The following GDPD2 variants were observed in gnomAD, a reference collection of about 807,000 sequenced individuals.
GDPD2 encodes the protein glycerophosphodiester phosphodiesterase domain containing 2.
GDPD2 carries 23 observed loss-of-function variants against 49.2 expected under a neutral mutation model. The ratio of observed to expected loss-of-function variants is 0.47; its 90% CI spans 0.34 to 0.66. GDPD2 has a LOEUF of 0.66. GDPD2 is among the 30% of genes least tolerant of loss of function. GDPD2 has a pLI of 0.01. For missense variants in GDPD2, 338 were observed against 424.7 expected (o/e 0.80, Z 1.79); for synonymous variants, 167 against 171.4 (o/e 0.97, Z 0.20).
At position 70,426,897 on chromosome X, in the gene GDPD2, T is replaced by C; in HGVS notation, c.588T>C (p.Phe196=). Residue 196 remains phenylalanine, a synonymous_variant, in exon 8 of 16, where the codon TTT becomes TTC. Transcript: ENST00000374382. The part of the protein sequence containing the change: ...GPKILLLLLF[F]GVVLVIYLAP... ...AGATTCTGCTACTGCTCCTATTTTT[T>C]GGAGTTGTCCTGGTCATCTACTTGG... 1 of 1,210,139 alleles carries C rather than the reference T, an allele frequency of 8.3e-7. No individual in the cohort carries two copies. The highest frequency in any genetic ancestry group is 1.1e-6 in the Non-Finnish European group (1 of 893,957).
In GDPD2 at chrX:70,432,910, A is replaced by G; in HGVS notation, c.1539-2A>G. ...CATAATGGGAAGCTTTTCTCCCCAC[A>G]GAAGATTTGTTAAGAAGAGAGGGAA... On this transcript the variant is annotated splice_acceptor_variant, in intron 14 of 15. Coordinates refer to ENST00000374382, the MANE Select transcript of GDPD2 (RefSeq NM_017711.4). LOFTEE classifies it high-confidence loss of function. 1 of 1,188,039 alleles carries G rather than the reference A, an allele frequency of 8.4e-7. No homozygotes were observed. Among genetic ancestry groups the G allele is most frequent in the Non-Finnish European group, 1.1e-6 (1 of 873,927 alleles).
Position 70,425,681 on chromosome X carries a change from T to A in GDPD2, c.210-82T>A, listed in dbSNP as rs897773797. ...TCTCCTCACTCCCTTCTAGTCTTCC[T>A]GGATCCACCCACCCCACCTCCCCTC... On this transcript the variant is annotated intron_variant, in intron 3 of 15. Coordinates refer to ENST00000374382, the MANE Select transcript of GDPD2 (RefSeq NM_017711.4). 8.2e-6 allele frequency: 5 copies of A among 612,446 alleles called. No homozygotes were observed. In the African/African-American group the frequency reaches 1.1e-4, roughly 14 times the overall value. 50.5% of individuals were successfully genotyped at this position (612,446 alleles called of 1,213,427 possible). A position where few individuals can be genotyped will look rare whatever the true frequency, so the allele number is the denominator to read the frequency against.
At chrX:70,424,616 C>T (rs1234580268) in intron 1 of GDPD2, among the ~76,000 whole-genome samples, 1 of 112,309 alleles carries the variant, frequency 8.9e-6, no homozygotes, top group African/African-American at 3.2e-5. Flanking sequence ...CTCTTGAGTT[C>T]TTACCCCCAG....
At chrX:70,430,950 CTAT>C in intron 12 of GDPD2, 2 of 427,152 alleles carry the variant, frequency 4.7e-6, no homozygotes, top group Admixed American at 4.2e-5. Flanking sequence ...CTATGCAAGG[CTAT>C]TTTTTTTTTT....
At chrX:70,432,782 C>G in intron 14 of GDPD2, 121 bp downstream of exon 14, 3 of 724,428 alleles carry the variant, frequency 4.1e-6, no homozygotes, top group Non-Finnish European at 6.5e-6. Flanking sequence ...CTTTGAGATT[C>G]TTAGGCCCTT....
chrX:70,429,768 T>C (rs1353082820), intron 11 of GDPD2, 54 bp downstream of exon 11: 1 of 1,075,162 alleles, frequency 9.3e-7, no homozygotes, highest in African/African-American at 1.8e-5. Flanking sequence ...GCCATGATGA[T>C]GAGGATGATT....
intron 10 of GDPD2, among the ~76,000 whole-genome samples, chrX:70,428,782 CT>C (rs1483842588): frequency 8.9e-6 from 1 of 112,064 alleles, no homozygotes; most frequent in African/African-American, 3.2e-5. Flanking sequence ...ACATAAAGTA[CT>C]TAGAACACTG....
At chrX:70,431,439 G>A (rs1168088650) in intron 12 of GDPD2, among the ~76,000 whole-genome samples, 1 of 113,110 alleles carries the variant, frequency 8.8e-6, no homozygotes, top group Non-Finnish European at 1.9e-5. Flanking sequence ...ACAGGAACAT[G>A]TGTGAAAAAG....
intron 10 of GDPD2, among the ~76,000 whole-genome samples, chrX:70,428,476 G>C (rs1051355362): frequency 9.0e-6 from 1 of 111,663 alleles, no homozygotes; most frequent in Non-Finnish European, 1.9e-5. Context: ...CATAAGTCAA[G>C]GTGCATCTGC....
At position 70,426,437 on chromosome X, in the gene GDPD2, C is replaced by T; in HGVS notation, c.430C>T (p.Gln144Ter). The T allele has an allele frequency of 8.3e-7, 1 of 1,210,983 alleles. No homozygotes were observed. The highest frequency in any genetic ancestry group is 2.2e-5 in the Admixed American group (1 of 46,088). ...GLVGLDIQWQQEWHSLRVSLQ... is the reference protein window; with the variant it reads ...GLVGLDIQWQ ...TGTGGGACTGGACATCCAATGGCAG[C>T]AGGAGTGGCATAGCTTGCGTGTGTC... The change falls in exon 6 of 16, where the codon CAG becomes TAG. Residue 144 changes from glutamine to a stop codon, truncating the protein, a stop_gained. Transcript: ENST00000374382. LOFTEE classifies it high-confidence loss of function.
At position 70,426,600 on chromosome X, in the gene GDPD2, G is replaced by A. The variant is rs200660900; in HGVS notation, c.463-48G>A. The A allele has an allele frequency of 2.0e-4, 212 of 1,073,871 alleles. 1 individual carries two copies. Among genetic ancestry groups the A allele is most frequent in the East Asian group, 1.9e-3 (62 of 32,450 alleles). The allele number at this position is 1,073,871 out of a possible 1,213,427, so 88.5% of individuals were successfully genotyped here. A position where few individuals can be genotyped will look rare whatever the true frequency, so the allele number is the denominator to read the frequency against. On this transcript the variant is annotated intron_variant, in intron 6 of 15. Transcript: ENST00000374382. ...AGCAGTCAGGCCCTAAGAGGAAAGC[G>A]GGGAGGGGCACTGGAGAAGAGCCCA...
At chrX:70,430,839 G>T in intron 12 of GDPD2, 2 of 305,770 alleles carry the variant, frequency 6.5e-6, no homozygotes, top group Non-Finnish European at 5.7e-6. Context: ...GTCTCACTCT[G>T]TCACCAAGCC....
In GDPD2 at chrX:70,433,221, C is replaced by T; in HGVS notation, c.*135C>T. The T allele has an allele frequency of 4.0e-6, 2 of 500,931 alleles. No individual in the cohort carries two copies. Among genetic ancestry groups the T allele is most frequent in the Non-Finnish European group, 7.0e-6 (2 of 284,508 alleles). 41.3% of individuals were successfully genotyped at this position (500,931 alleles called of 1,213,427 possible). On this transcript the variant is annotated 3_prime_UTR_variant, in exon 16 of 16. Transcript: ENST00000374382. ...AGCTTTGCCAACAGGAGGTTTTGAA[C>T]CATGAGGGCCCTCTGCCCAGGTGAT...
rs199508977 is a variant in GDPD2 at position 70,433,047 on chromosome X, A to G, written c.1581A>G (p.Ala527=). ...CCTCCTCCCCAGGCTTAGAAACAGC[A>G]GTGCTGCTGACAAGGATCAACAATT... ...KKRGKTGLET[A]VLLTRINNFM... Residue 527 remains alanine (A), a synonymous_variant, in exon 16 of 16, where the codon GCA becomes GCG. Coordinates refer to ENST00000374382, the MANE Select transcript of GDPD2 (RefSeq NM_017711.4). 173 of 1,199,026 alleles carry G rather than the reference A, an allele frequency of 1.4e-4. No individual in the cohort carries two copies. Among genetic ancestry groups the G allele is most frequent in the Non-Finnish European group, 3.4e-5 (30 of 886,392 alleles).
rs866500833 is a variant in GDPD2 at position 70,430,772 on chromosome X, T to C, written c.1307+709T>C. 2.7e-5 allele frequency among the ~76,000 whole-genome samples: 3 copies of C among 110,400 alleles called. No homozygotes were observed. The South Asian group carries it at 1.2e-3, about 43-fold the overall frequency. On this transcript the variant is annotated intron_variant, in intron 12 of 15. Coordinates refer to ENST00000374382, the MANE Select transcript of GDPD2 (RefSeq NM_017711.4). ...GAACTGAATGATAGCCCAGTTATCATACATATTTCTTTTTTTAATTTGAAT... is the reference window on the plus strand; with the variant it reads ...GAACTGAATGATAGCCCAGTTATCACACATATTTCTTTTTTTAATTTGAAT...
chrX:70,433,025 C>T lies in GDPD2; in HGVS notation c.1568-9C>T. ...TCCCTAGATGACCCACCCTCCCCCT[C>T]CTCCCCAGGCTTAGAAACAGCAGTG... is the stretch of plus-strand genomic sequence containing the variant. On this transcript the variant is annotated splice_polypyrimidine_tract_variant and intron_variant, in intron 15 of 15. Transcript: ENST00000374382. The T allele has an allele frequency of 8.4e-7, 1 of 1,190,389 alleles. No homozygotes were observed. Among genetic ancestry groups the T allele is most frequent in the Non-Finnish European group, 1.1e-6 (1 of 876,744 alleles).
Position 70,433,062 on chromosome X carries a change from G to A in GDPD2, c.1596G>A (p.Arg532=), listed in dbSNP as rs765795332. The A allele has an allele frequency of 5.0e-6, 6 of 1,204,595 alleles. No homozygotes were observed. In the South Asian group the frequency reaches 1.1e-4, roughly 21 times the overall value. ...TGLETAVLLT[R]INNFMME is the part of the protein sequence containing the mutation. Reference sequence around the variant, plus strand: ...TAGAAACAGCAGTGCTGCTGACAAGGATCAACAATTTCATGATGGAGTGAA... The same window carrying A: ...TAGAAACAGCAGTGCTGCTGACAAGAATCAACAATTTCATGATGGAGTGAA... Residue 532 remains arginine (R), a synonymous_variant, in exon 16 of 16, where the codon AGG becomes AGA. Transcript: ENST00000374382.
chrX:70,424,447 A>G (rs984071266), intron 1 of GDPD2, among the ~76,000 whole-genome samples: 1 of 111,796 alleles, frequency 8.9e-6, no homozygotes, highest in African/African-American at 3.3e-5. Flanking sequence ...CAACTGGCCA[A>G]CTAGCTGGGC....
intron 6 of GDPD2, 80 bp downstream of exon 6, chrX:70,426,549 C>T: frequency 2.9e-6 from 3 of 1,051,967 alleles, no homozygotes; most frequent in Non-Finnish European, 2.6e-6. Flanking sequence ...CCTGTTCCCC[C>T]AAGACTGCAG....
Sources: gnomAD v4.1 joint callset for allele counts (sites outside exome capture counted in the v4.1 genomes callset) on GRCh38, gnomAD v4.1.1 for gene constraint, MANE v1.5 for transcripts, NCBI Gene and HGNC (gene_info 2026-07-23, HGNC 2026-07-21) for gene names.